The following CNTNAP2 variants were observed in gnomAD, a reference collection of about 807,000 sequenced individuals.
The protein encoded by CNTNAP2 is contactin-associated protein-like 2.
A neutral mutation model predicts 155.2 loss-of-function variants in CNTNAP2; 98 were observed. That is an observed-to-expected ratio of 0.63 (90% CI 0.54 to 0.75). The LOEUF (loss-of-function observed/expected upper bound fraction) is 0.75. Ranked by LOEUF, CNTNAP2 falls within the 30% of genes least tolerant of loss-of-function variation. The pLI is 0.00. For synonymous variants in CNTNAP2, 651 were observed against 631.2 expected (o/e 1.03, Z -0.47); for missense variants, 1,727 against 1,688.1 (o/e 1.02, Z -0.40).
chr7:147,519,636 G>A (rs914005141), intron 11 of CNTNAP2, among the ~76,000 whole-genome samples: 6 of 152,218 alleles, frequency 3.9e-5, no homozygotes, highest in Non-Finnish European at 8.8e-5. Flanking sequence ...GCCAAGGTGG[G>A]CGGATTGCTT....
At chr7:147,431,510 T>G (rs1174530847) in intron 10 of CNTNAP2, among the ~76,000 whole-genome samples, 1 of 152,172 alleles carries the variant, frequency 6.6e-6, no homozygotes, top group African/African-American at 2.4e-5. Flanking sequence ...CTGCTTCTCT[T>G]TACAATAAAG....
chr7:147,676,332 G>T (rs1260054902), intron 13 of CNTNAP2, among the ~76,000 whole-genome samples: 1 of 151,924 alleles, frequency 6.6e-6, no homozygotes, highest in African/African-American at 2.4e-5. Flanking sequence ...ACCTGCTAGG[G>T]TTACAGTAAC....
chr7:146,595,603 C>T (rs2129150330), intron 1 of CNTNAP2, among the ~76,000 whole-genome samples: 1 of 152,128 alleles, frequency 6.6e-6, no homozygotes, highest in African/African-American at 2.4e-5. Context: ...TGGAAATATA[C>T]TCATTAAGCT....
chr7:147,491,607 C>T (rs181359121), intron 11 of CNTNAP2, among the ~76,000 whole-genome samples: 2 of 152,330 alleles, frequency 1.3e-5, no homozygotes, highest in East Asian at 3.9e-4. Context: ...AAATCTGAGG[C>T]TCGCCCAGCA....
intron 9 of CNTNAP2, among the ~76,000 whole-genome samples, chr7:147,313,163 C>A (rs1584865329): frequency 6.6e-6 from 1 of 150,742 alleles, no homozygotes; most frequent in Non-Finnish European, 1.5e-5. Context: ...TGGATTTTAG[C>A]CCTTTGTCAG....
intron 11 of CNTNAP2, among the ~76,000 whole-genome samples, chr7:147,527,236 G>C (rs1194988424): frequency 6.6e-6 from 1 of 151,894 alleles, no homozygotes; most frequent in Non-Finnish European, 1.5e-5. Flanking sequence ...TGTTAGCCAG[G>C]ATGGTCTCGA....
chr7:146,279,868 A>T (rs1800222686), intron 1 of CNTNAP2, among the ~76,000 whole-genome samples: 2 of 151,758 alleles, frequency 1.3e-5, no homozygotes, highest in African/African-American at 4.8e-5. Context: ...AGGATATTAG[A>T]CATCTAAAAC....
At chr7:147,778,135 A>T (rs935990929) in intron 13 of CNTNAP2, among the ~76,000 whole-genome samples, 1 of 152,206 alleles carries the variant, frequency 6.6e-6, no homozygotes, top group African/African-American at 2.4e-5. Context: ...TCCCCATATT[A>T]TCCCAAAACT....
chr7:146,564,530 C>T (rs1798327792), intron 1 of CNTNAP2, among the ~76,000 whole-genome samples: 1 of 148,214 alleles, frequency 6.7e-6, no homozygotes, highest in Non-Finnish European at 1.5e-5. Context: ...AACAAATATA[C>T]ATTATATAAT....
intron 1 of CNTNAP2, among the ~76,000 whole-genome samples, chr7:146,483,094 G>T (rs1268911013): frequency 6.6e-6 from 1 of 150,720 alleles, no homozygotes; most frequent in Non-Finnish European, 1.5e-5. Flanking sequence ...GGCTAACACG[G>T]TGAAACCCCG....
At chr7:146,218,789 G>T (rs1415563387) in intron 1 of CNTNAP2, among the ~76,000 whole-genome samples, 1 of 151,930 alleles carries the variant, frequency 6.6e-6, no homozygotes, top group South Asian at 2.1e-4. Context: ...ACACGGAATG[G>T]CAAAGCTTTG....
At chr7:147,661,763 G>T (rs538034207) in intron 13 of CNTNAP2, among the ~76,000 whole-genome samples, 1 of 152,034 alleles carries the variant, frequency 6.6e-6, no homozygotes, top group African/African-American at 2.4e-5. Context: ...ATGTTGGTCA[G>T]GCTGTTCTTG....
intron 1 of CNTNAP2, among the ~76,000 whole-genome samples, chr7:146,255,254 G>A (rs972604388): frequency 5.3e-5 from 8 of 152,190 alleles, no homozygotes; most frequent in African/African-American, 1.9e-4. Context: ...ATTTCTCTGA[G>A]TATCAATGTG....
Position 148,172,478 on chromosome 7 carries a change from G to C in CNTNAP2, c.3010G>C (p.Asp1004His). 3 of 1,613,800 alleles carry C rather than the reference G, an allele frequency of 1.9e-6. No homozygotes were observed. The highest frequency in any genetic ancestry group is 1.7e-6 in the Non-Finnish European group (2 of 1,179,726). Residue 1004 changes from aspartate (D) to histidine (H), a missense_variant and splice_region_variant, in exon 18 of 24, where the codon GAT (aspartate) becomes CAT (histidine). Transcript: ENST00000361727. ...ATATGATGGAACATTTTGCAACAAA[G>C]GTAAGGTGGAACCCATTTCCAGAGC... ...TAYDGTFCNK[D>H]VGAFFEEGMW...
chr7:146,860,491 A>G (rs1374982188), intron 3 of CNTNAP2, among the ~76,000 whole-genome samples: 3 of 152,148 alleles, frequency 2.0e-5, no homozygotes, highest in African/African-American at 7.2e-5. Flanking sequence ...GCCAAATACC[A>G]TTTGGTTTTA....
At chr7:147,203,671 T>G (rs1246161203) in intron 8 of CNTNAP2, among the ~76,000 whole-genome samples, 1 of 152,200 alleles carries the variant, frequency 6.6e-6, no homozygotes, top group Non-Finnish European at 1.5e-5. Flanking sequence ...TTCCAATGTT[T>G]GCTTTTGCAT....
chr7:148,297,808 C>T (rs1474515229), intron 21 of CNTNAP2, among the ~76,000 whole-genome samples: 1 of 152,092 alleles, frequency 6.6e-6, no homozygotes, highest in African/African-American at 2.4e-5. Flanking sequence ...AGACATGTCT[C>T]ATGGAGTGAC....
At chr7:146,408,823 G>A (rs1259343149) in intron 1 of CNTNAP2, among the ~76,000 whole-genome samples, 2 of 151,872 alleles carry the variant, frequency 1.3e-5, no homozygotes, top group African/African-American at 4.8e-5. Context: ...AAGCATCTAT[G>A]TAGATATTTG....
chr7:147,419,775 A>C (rs1476737261), intron 10 of CNTNAP2, among the ~76,000 whole-genome samples: 1 of 152,148 alleles, frequency 6.6e-6, no homozygotes, highest in African/African-American at 2.4e-5. Context: ...ATTCTTCTTG[A>C]TCTGGTCCCA....
Sources: gnomAD v4.1 joint callset for allele counts (sites outside exome capture counted in the v4.1 genomes callset) on GRCh38, gnomAD v4.1.1 for gene constraint, MANE v1.5 for transcripts, NCBI Gene and HGNC (gene_info 2026-07-23, HGNC 2026-07-21) for gene names.